The following FGGY variants were observed in gnomAD, a reference collection of about 807,000 sequenced individuals.
The protein encoded by FGGY is FGGY carbohydrate kinase domain-containing protein.
Under a neutral mutation model 71.3 loss-of-function variants are expected in FGGY, and 72 were observed. The ratio of observed to expected loss-of-function variants is 1.01; its 90% confidence interval spans 0.84 to 1.23. The LOEUF (loss-of-function observed/expected upper bound fraction) is 1.23. FGGY is among the 50% of genes most tolerant of loss of function. FGGY has a pLI of 0.00. For missense variants in FGGY, 668 were observed against 682.3 expected (o/e 0.98, Z 0.23); for synonymous variants, 251 against 250.3 (o/e 1.00, Z -0.02).
At chr1:59,536,057 A>T (rs1342968636) in intron 7 of FGGY, among the ~76,000 whole-genome samples, 1 of 151,642 alleles carries the variant, frequency 6.6e-6, no homozygotes, top group East Asian at 1.9e-4. Context: ...GGTTTTTTGA[A>T]AGGATCAACA....
rs1442889347 is a variant in FGGY at position 59,593,473 on chromosome 1, ATC to A, written c.904-14329_904-14328del. On this transcript the variant is annotated intron_variant, in intron 8 of 15. Transcript: ENST00000303721. ...TTGGGCAAGTTACATGACCCTGCTA[ATC>A]CTCAGTTCCCTCATCTTTAAAATGG... Among the ~76,000 whole-genome samples, 4 of 152,180 alleles carry A rather than the reference ATC, an allele frequency of 2.6e-5. No homozygotes were observed. In the South Asian group the frequency reaches 8.3e-4, roughly 32 times the overall value.
At chr1:59,726,429 T>G (rs1397119472) in intron 14 of FGGY, among the ~76,000 whole-genome samples, 1 of 152,120 alleles carries the variant, frequency 6.6e-6, no homozygotes, top group Non-Finnish European at 1.5e-5. Flanking sequence ...AATAGGGTAA[T>G]GCTGACCTCA....
chr1:59,350,271 G>A lies in FGGY; in HGVS notation c.465+3873G>A, dbSNP rs1291380938. 2.0e-5 allele frequency among the ~76,000 whole-genome samples: 3 copies of A among 152,106 alleles called. No homozygotes were observed. In the South Asian group the frequency reaches 6.2e-4, roughly 32 times the overall value. Reference sequence around the variant, plus strand: ...ACAATAAGGACTCAACCTTACCATTGAGCAGCACACAGTCCACTAGGGATA... The same window carrying A: ...ACAATAAGGACTCAACCTTACCATTAAGCAGCACACAGTCCACTAGGGATA... On this transcript the variant is annotated intron_variant, in intron 4 of 15. Coordinates refer to ENST00000303721, the MANE Select transcript of FGGY (RefSeq NM_018291.5).
intron 7 of FGGY, among the ~76,000 whole-genome samples, chr1:59,526,474 G>T (rs1028987928): frequency 1.3e-5 from 2 of 152,216 alleles, no homozygotes; most frequent in Non-Finnish European, 2.9e-5. Flanking sequence ...AGATGACTCA[G>T]CAGCTGGTGG....
chr1:59,573,275 T>A (rs965509355), intron 8 of FGGY, among the ~76,000 whole-genome samples: 2 of 152,204 alleles, frequency 1.3e-5, no homozygotes, highest in African/African-American at 2.4e-5. Context: ...GTAGATTAGA[T>A]AATAGAATTG....
intron 5 of FGGY, among the ~76,000 whole-genome samples, chr1:59,446,994 A>G (rs1033850938): frequency 6.6e-6 from 1 of 152,216 alleles, no homozygotes; most frequent in Non-Finnish European, 1.5e-5. Flanking sequence ...GAGTAAAAGC[A>G]GGAGAATAAA....
chr1:59,499,106 C>T (rs1359325405), intron 6 of FGGY, among the ~76,000 whole-genome samples: 5 of 152,148 alleles, frequency 3.3e-5, no homozygotes, highest in African/African-American at 7.2e-5. Flanking sequence ...CTCTATTTCT[C>T]AGCCCCCCAA....
chr1:59,469,025 C>T (rs1027170272), intron 6 of FGGY, among the ~76,000 whole-genome samples: 1 of 152,088 alleles, frequency 6.6e-6, no homozygotes, highest in African/African-American at 2.4e-5. Flanking sequence ...TCTTCTGCCT[C>T]TTGTTGGAAT....
At chr1:59,587,287 C>G (rs1290535274) in intron 8 of FGGY, among the ~76,000 whole-genome samples, 1 of 152,092 alleles carries the variant, frequency 6.6e-6, no homozygotes, top group African/African-American at 2.4e-5. Context: ...AGCAAAGCAG[C>G]CTGGAAGCTC....
chr1:59,576,543 C>G (rs752707916), intron 8 of FGGY, among the ~76,000 whole-genome samples: 2 of 152,018 alleles, frequency 1.3e-5, no homozygotes, highest in Non-Finnish European at 1.5e-5. Context: ...GTTCTGCACA[C>G]GTATCCCAGA....
chr1:59,636,210 TCACA>T (rs373292906), intron 10 of FGGY, among the ~76,000 whole-genome samples: 1 of 151,442 alleles, frequency 6.6e-6, no homozygotes, highest in East Asian at 1.9e-4. Context: ...TCACACGCAC[TCACA>T]CACACACACA....
intron 7 of FGGY, among the ~76,000 whole-genome samples, chr1:59,529,109 T>C (rs553959371): frequency 1.2e-4 from 19 of 152,330 alleles, no homozygotes; most frequent in Non-Finnish European, 2.2e-4. Flanking sequence ...CATGAATGAA[T>C]ACATGCGTGA....
intron 6 of FGGY, among the ~76,000 whole-genome samples, chr1:59,488,410 A>G (rs947515763): frequency 4.0e-5 from 6 of 151,424 alleles, no homozygotes; most frequent in African/African-American, 1.2e-4. Flanking sequence ...GAAAATACAT[A>G]AAAGTATTTC....
At chr1:59,330,968 GA>G (rs1328534529) in intron 2 of FGGY, among the ~76,000 whole-genome samples, 3 of 152,002 alleles carry the variant, frequency 2.0e-5, no homozygotes, top group African/African-American at 4.8e-5. Flanking sequence ...CAGAGGCTGA[GA>G]TTTTTTTTTT....
intron 14 of FGGY, among the ~76,000 whole-genome samples, chr1:59,703,000 A>T (rs1345286829): frequency 6.6e-6 from 1 of 152,090 alleles, no homozygotes; most frequent in African/African-American, 2.4e-5. Context: ...TTTATCTGTT[A>T]TTCTAAAGTG....
At chr1:59,381,650 TGTGTGTGTG>T (rs2059467806) in intron 5 of FGGY, among the ~76,000 whole-genome samples, 4 of 151,178 alleles carry the variant, frequency 2.6e-5, no homozygotes, top group African/African-American at 9.8e-5. Flanking sequence ...TGTGTGTGTG[TGTGTGTGTG>T]TGTGTGTGTG....
chr1:59,318,872 A>G (rs2045911996), intron 1 of FGGY, among the ~76,000 whole-genome samples: 1 of 152,260 alleles, frequency 6.6e-6, no homozygotes, highest in Non-Finnish European at 1.5e-5. Context: ...CCTTTGCAGT[A>G]GAGACAGTGG....
chr1:59,626,031 A>G lies in FGGY; in HGVS notation c.1055A>G (p.Gln352Arg). 6.2e-7 allele frequency: 1 copy of G among 1,613,500 alleles called. No individual in the cohort carries two copies. Among genetic ancestry groups the G allele is most frequent in the Non-Finnish European group, 8.5e-7 (1 of 1,179,646 alleles). The change falls in exon 10 of 16, where the codon CAA (glutamine) becomes CGA (arginine). Residue 352 changes from glutamine to arginine, a missense_variant. By Grantham distance (43) the Gln-to-Arg change is conservative (BLOSUM62 1). This residue lies in a region of FGGY where 661 missense variants were observed against 661.6 expected (regional missense o/e 1.00). Coordinates refer to ENST00000303721, the MANE Select transcript of FGGY (RefSeq NM_018291.5). ...VQGHAAFPEL[Q>R]VKATARCQSI... The stretch of plus-strand genomic sequence containing the variant: ...GGCCATGCTGCTTTTCCAGAACTAC[A>G]AGTAAAGGCCACAGCCAGGTAACTG...
intron 9 of FGGY, among the ~76,000 whole-genome samples, chr1:59,621,205 C>T (rs918409853): frequency 1.3e-5 from 2 of 152,066 alleles, no homozygotes; most frequent in East Asian, 1.9e-4. Flanking sequence ...ACCTTAATTA[C>T]CCCCGTAAGA....
Sources: allele counts gnomAD v4.1 joint callset (sites outside exome capture counted in the v4.1 genomes callset), GRCh38; gene constraint gnomAD v4.1.1; regional missense constraint gnomAD v4.1.1; transcripts MANE v1.5; gene names NCBI Gene and HGNC (gene_info 2026-07-23, HGNC 2026-07-21).